Variants in DEGS1 observed in about 807,000 individuals in gnomAD.
DEGS1 encodes sphingolipid delta(4)-desaturase DES1.
Under a neutral mutation model 24.1 loss-of-function variants are expected in DEGS1, and 17 were observed. The observed-to-expected ratio is 0.70, with a 90% CI of 0.48 to 1.06. DEGS1 has a LOEUF of 1.06. Ranked by LOEUF, DEGS1 falls within the 50% of genes least tolerant of loss-of-function variation. DEGS1 has a pLI of 0.00. For missense variants in DEGS1, 366 were observed against 408.9 expected (o/e 0.90, Z 0.91); for synonymous variants, 134 against 140.0 (o/e 0.96, Z 0.30).
At chr1:224,186,744 C>T (rs1658405670) in intron 1 of DEGS1, among the ~76,000 whole-genome samples, 1 of 147,604 alleles carries the variant, frequency 6.8e-6, no homozygotes, top group Admixed American at 6.7e-5. Flanking sequence ...AGAAGGACTA[C>T]ATATTTCTCA....
chr1:224,192,292 A>G (rs997427642), intron 2 of DEGS1, 40 bp from the exon 3 acceptor site: 27 of 1,589,350 alleles, frequency 1.7e-5, no homozygotes, highest in Non-Finnish European at 2.2e-5. Context: ...AGAACCTAGT[A>G]ACACTCATTT....
In DEGS1 at chr1:224,190,239, C is replaced by A. The variant is rs945908119; in HGVS notation, c.745C>A (p.Leu249Met). ...TGAAACTTACTCATATTATGGGCCT[C>A]TGAATTTACTTACCTTCAATGTGGG... is the stretch of plus-strand genomic sequence containing the variant. ...GHETYSYYGP[L>M]NLLTFNVGYH... Residue 249 changes from leucine (L) to methionine (M), a missense_variant, in exon 2 of 3, where the codon CTG (leucine) becomes ATG (methionine). Transcript: ENST00000323699. 1 of 1,515,864 alleles carries A rather than the reference C, an allele frequency of 6.6e-7. No individual in the cohort carries two copies. The allele number at this position is 1,515,864 out of a possible 1,614,324, so 93.9% of individuals were successfully genotyped here. A position where few individuals can be genotyped will look rare whatever the true frequency, so the allele number is the denominator to read the frequency against.
At chr1:224,186,678 A>G (rs1452905030) in intron 1 of DEGS1, among the ~76,000 whole-genome samples, 1 of 140,312 alleles carries the variant, frequency 7.1e-6, no homozygotes, top group Non-Finnish European at 1.5e-5. Context: ...GTGCCACTGC[A>G]CTCCAGCCTG....
In DEGS1 at chr1:224,193,020, A is replaced by C. The variant is rs958345972; in HGVS notation, c.*542A>C. On this transcript the variant is annotated 3_prime_UTR_variant, in exon 3 of 3. Coordinates refer to ENST00000323699, the MANE Select transcript of DEGS1 (RefSeq NM_003676.4). Reference sequence around the variant, plus strand: ...GGCTGCAGTGACCCAAGATTGTGCCACTGCACTCCACCCTGGGCAACAGAG... The same window carrying C: ...GGCTGCAGTGACCCAAGATTGTGCCCCTGCACTCCACCCTGGGCAACAGAG... The C allele has an allele frequency of 6.6e-6, 1 of 152,428 alleles. No homozygotes were observed. Among genetic ancestry groups the C allele is most frequent in the African/African-American group, 2.4e-5 (1 of 41,466 alleles). The allele number at this position is 152,428 out of a possible 1,614,324, so 9.4% of individuals were successfully genotyped here. A position where few individuals can be genotyped will look rare whatever the true frequency, so the allele number is the denominator to read the frequency against.
Position 224,192,441 on chromosome 1 carries a change from T to C in DEGS1, c.935T>C (p.Met312Thr). Residue 312 changes from methionine to threonine, a missense_variant, in exon 3 of 3, where the codon ATG becomes ACG. Coordinates refer to ENST00000323699, the MANE Select transcript of DEGS1 (RefSeq NM_003676.4). ...MDDTISPYSR[M>T]KRHQKGEMVL... ...GATACAATAAGTCCCTACTCAAGAA[T>C]GAAGAGGCACCAAAAAGGAGAGATG... 1 of 1,612,564 alleles carries C rather than the reference T, an allele frequency of 6.2e-7. No individual in the cohort carries two copies. The highest frequency in any genetic ancestry group is 1.7e-4 in the Middle Eastern group (1 of 6,058).
intron 2 of DEGS1, 107 bp from the exon 3 acceptor site, chr1:224,192,225 G>A: frequency 1.1e-6 from 1 of 883,476 alleles, no homozygotes; most frequent in East Asian, 2.8e-5. Flanking sequence ...GAGGGAGGCA[G>A]GTCTCATGGT....
chr1:224,191,408 A>G (rs1190452325), intron 2 of DEGS1, among the ~76,000 whole-genome samples: 2 of 148,236 alleles, frequency 1.3e-5, no homozygotes, highest in Non-Finnish European at 3.0e-5. Context: ...AAAAAGAGAG[A>G]GATGGGTTTC....
chr1:224,183,658 G>A, intron 1 of DEGS1: 2 of 321,966 alleles, frequency 6.2e-6, no homozygotes, highest in Non-Finnish European at 1.1e-5. Flanking sequence ...CCGCGAAGAG[G>A]CGCAGGCGCG....
At chr1:224,187,628 A>G (rs1658430647) in intron 1 of DEGS1, among the ~76,000 whole-genome samples, 2 of 152,120 alleles carry the variant, frequency 1.3e-5, no homozygotes, top group Admixed American at 1.3e-4. Context: ...GTGCTGGATT[A>G]ATGGTGTGAG....
chr1:224,192,699 G>A lies in DEGS1; in HGVS notation c.*221G>A. 8.4e-6 allele frequency: 4 copies of A among 478,494 alleles called. No homozygotes were observed. Among genetic ancestry groups the A allele is most frequent in the South Asian group, 2.9e-5 (1 of 34,388 alleles). 29.6% of individuals were successfully genotyped at this position (478,494 alleles called of 1,614,324 possible). Reference sequence around the variant, plus strand: ...GGAAACTTGTGACTTGTGTATTATCGTCATTGAGGATGTTTCACTCATGTC... The same window carrying A: ...GGAAACTTGTGACTTGTGTATTATCATCATTGAGGATGTTTCACTCATGTC... On this transcript the variant is annotated 3_prime_UTR_variant, in exon 3 of 3. Coordinates refer to ENST00000323699, the MANE Select transcript of DEGS1 (RefSeq NM_003676.4).
chr1:224,193,147 A>G lies in DEGS1; in HGVS notation c.*669A>G, dbSNP rs1658587443. 6.6e-6 allele frequency: 1 copy of G among 152,238 alleles called. No individual in the cohort carries two copies. Among genetic ancestry groups the G allele is most frequent in the South Asian group, 2.1e-4 (1 of 4,832 alleles). 9.4% of individuals were successfully genotyped at this position (152,238 alleles called of 1,614,324 possible). ...TTGCTTTATTAAAAAGCTAATAAACAGCTATTAATCACAGTGTATTAGTAT... is the reference window on the plus strand; with the variant it reads ...TTGCTTTATTAAAAAGCTAATAAACGGCTATTAATCACAGTGTATTAGTAT... On this transcript the variant is annotated 3_prime_UTR_variant, in exon 3 of 3. Coordinates refer to ENST00000323699, the MANE Select transcript of DEGS1 (RefSeq NM_003676.4).
chr1:224,184,089 T>C (rs1658312524), intron 1 of DEGS1, among the ~76,000 whole-genome samples: 3 of 152,240 alleles, frequency 2.0e-5, no homozygotes, highest in Non-Finnish European at 2.9e-5. Context: ...GCCTGGGACG[T>C]AAGAACGGCG....
rs777122054 is a variant in DEGS1, at chr1:224,190,221, T to G, written c.727T>G (p.Tyr243Asp). Residue 243 changes from tyrosine to aspartate, a missense_variant, in exon 2 of 3, where the codon TAC becomes GAC. Physicochemically the swap from Tyr to Asp is radical, Grantham distance 160 (BLOSUM62 -3). Coordinates refer to ENST00000323699, the MANE Select transcript of DEGS1 (RefSeq NM_003676.4). ...CATGTTCTTAAAGGGTCATGAAACT[T>G]ACTCATATTATGGGCCTCTGAATTT... is the stretch of plus-strand genomic sequence containing the variant. ...HYMFLKGHETYSYYGPLNLLT... is the reference protein window; with the variant it reads ...HYMFLKGHETDSYYGPLNLLT... The G allele has an allele frequency of 9.8e-6, 15 of 1,525,954 alleles. No homozygotes were observed. Among genetic ancestry groups the G allele is most frequent in the Non-Finnish European group, 1.2e-5 (14 of 1,140,352 alleles). 94.5% of individuals were successfully genotyped at this position (1,525,954 alleles called of 1,614,324 possible).
rs927232665 is a variant in DEGS1, at chr1:224,189,718, C to T, written c.224C>T (p.Ala75Val). Residue 75 changes from alanine to valine, a missense_variant, in exon 2 of 3, where the codon GCG becomes GTG. Ala to Val is a moderately conservative substitution (Grantham distance 64). Transcript: ENST00000323699. ...AAATGGGTCATATTTGGGGCCTATGCGTTTGGCAGTTGCATTAACCACTCA... is the reference window on the plus strand; with the variant it reads ...AAATGGGTCATATTTGGGGCCTATGTGTTTGGCAGTTGCATTAACCACTCA... ...DWKWVIFGAY[A>V]FGSCINHSMT... is the part of the protein sequence containing the mutation. The T allele has an allele frequency of 5.1e-5, 82 of 1,614,044 alleles. No homozygotes were observed. The highest frequency in any genetic ancestry group is 6.6e-5 in the Non-Finnish European group (78 of 1,180,048).
chr1:224,187,476 A>G (rs187634588), intron 1 of DEGS1, among the ~76,000 whole-genome samples: 12 of 152,112 alleles, frequency 7.9e-5, no homozygotes, highest in Non-Finnish European at 1.3e-4. Flanking sequence ...CTCCCGCTTC[A>G]GCATCCTAAG....
intron 1 of DEGS1, among the ~76,000 whole-genome samples, chr1:224,185,112 A>G (rs1658346427): frequency 6.6e-6 from 1 of 152,112 alleles, no homozygotes; most frequent in Non-Finnish European, 1.5e-5. Flanking sequence ...GTGAAAAGAA[A>G]AAGCAAGTAG....
Position 224,183,381 on chromosome 1 carries a change from C to G in DEGS1, c.45C>G (p.Thr15=), listed in dbSNP as rs199893861. The part of the protein sequence containing the change: ...VSREDFEWVY[T]DQPHADRRRE... ...GGGAAGACTTCGAGTGGGTCTACAC[C>G]GACCAGCCGCACGCCGACCGGCGCC... Residue 15 remains threonine (T), a synonymous_variant, in exon 1 of 3, where the codon ACC becomes ACG. Transcript: ENST00000323699. 3.5e-6 allele frequency: 5 copies of G among 1,444,688 alleles called. No homozygotes were observed. The highest frequency in any genetic ancestry group is 4.6e-6 in the Non-Finnish European group (5 of 1,090,560). The allele number at this position is 1,444,688 out of a possible 1,614,324, so 89.5% of individuals were successfully genotyped here. A position where few individuals can be genotyped will look rare whatever the true frequency, so the allele number is the denominator to read the frequency against.
At chr1:224,188,803 A>G (rs1558209544) in intron 1 of DEGS1, among the ~76,000 whole-genome samples, 1 of 152,152 alleles carries the variant, frequency 6.6e-6, no homozygotes, top group Non-Finnish European at 1.5e-5. Flanking sequence ...TGACAGTATC[A>G]TGTGCAACAG....
intron 1 of DEGS1, among the ~76,000 whole-genome samples, chr1:224,185,535 T>C (rs1179156864): frequency 6.6e-6 from 1 of 152,214 alleles, no homozygotes; most frequent in South Asian, 2.1e-4. Context: ...AGCCGCACTC[T>C]GTCACCCAGG....
Sources: gnomAD v4.1 joint callset for allele counts (sites outside exome capture counted in the v4.1 genomes callset) on GRCh38, gnomAD v4.1.1 for gene constraint, MANE v1.5 for transcripts, NCBI Gene and HGNC (gene_info 2026-07-23, HGNC 2026-07-21) for gene names.